GNAS: variants seen among roughly 807,000 people sequenced by gnomAD.
The protein encoded by GNAS is GNAS complex locus.
Under a neutral mutation model 54.5 loss-of-function variants are expected in GNAS, and 8 were observed. That is an observed-to-expected ratio of 0.15 (90% confidence interval 0.09 to 0.26). GNAS has a LOEUF of 0.26. Among genes scored for constraint, GNAS ranks in the 10% least tolerant of loss-of-function variants. The pLI, the probability that GNAS is intolerant of heterozygous loss-of-function variation, is 1.00. For synonymous variants in GNAS, 204 were observed against 191.4 expected (o/e 1.07, Z -0.54); for missense variants, 170 against 529.8 (o/e 0.32, Z 6.67).
intron 1 of GNAS, chr20:58,842,219 G>A: frequency 7.5e-6 from 3 of 398,518 alleles, no homozygotes; most frequent in South Asian, 1.3e-4. Context: ...CGCCAGTCCT[G>A]GGGGGAAAGA....
At position 58,873,910 on chromosome 20, in the gene GNAS, C is replaced by T. The variant is rs76142613; in HGVS notation, c.44-21702C>T. Among the ~76,000 whole-genome samples, 174 of 152,274 alleles carry T rather than the reference C, an allele frequency of 1.1e-3. 2 individuals are homozygous for T. Among genetic ancestry groups the T allele is most frequent in the Admixed American group, 9.2e-3 (141 of 15,302 alleles). On this transcript the variant is annotated intron_variant, in intron 1 of 12. Transcript: ENST00000306090. This position sits in a 1 kb window ranked among gnomAD's most constrained non-coding sequence, Gnocchi z 4.3. ...ATTGTCAACCAAAAGACTTCAACAACCTGCTAAGAGTCTTCCAGCCCAGTT... is the reference window on the plus strand; with the variant it reads ...ATTGTCAACCAAAAGACTTCAACAATCTGCTAAGAGTCTTCCAGCCCAGTT...
chr20:58,855,424 C>CAGT, intron 1 of GNAS: 1 of 1,146,988 alleles, frequency 8.7e-7, no homozygotes, highest in South Asian at 1.3e-5. Context: ...AGGGGCTCCG[C>CAGT]AGTGGGAGGA....
chr20:58,860,720 G>A (rs1331276835), intron 1 of GNAS, among the ~76,000 whole-genome samples: 1 of 152,136 alleles, frequency 6.6e-6, no homozygotes, highest in Non-Finnish European at 1.5e-5. Flanking sequence ...GGAGTGCAGT[G>A]GTACTATCTC....
At chr20:58,876,217 C>T (rs969667446) in intron 1 of GNAS, among the ~76,000 whole-genome samples, 3 of 152,146 alleles carry the variant, frequency 2.0e-5, no homozygotes, top group Non-Finnish European at 4.4e-5. Context: ...TTCTGAGATG[C>T]GTGATCTTTA....
intron 1 of GNAS, among the ~76,000 whole-genome samples, chr20:58,867,194 G>C (rs372689088): frequency 6.6e-6 from 1 of 152,196 alleles, no homozygotes; most frequent in East Asian, 1.9e-4. Flanking sequence ...AGAAGACTCA[G>C]GGCAGAACCC....
chr20:58,860,565 A>C (rs1229291106), intron 1 of GNAS, among the ~76,000 whole-genome samples: 1 of 152,096 alleles, frequency 6.6e-6, no homozygotes, highest in Admixed American at 6.5e-5. Context: ...TTTTTTTAAA[A>C]GTATGCCTTA....
At chr20:58,895,756 A>G in intron 2 of GNAS, 72 bp downstream of exon 2, 1 of 940,114 alleles carries the variant, frequency 1.1e-6, no homozygotes, top group Non-Finnish European at 1.8e-6. Context: ...TAGGAAGTAT[A>G]GGTGGGCTTT....
intron 1 of GNAS, chr20:58,854,654 C>T: frequency 6.5e-7 from 1 of 1,530,580 alleles, no homozygotes; most frequent in Non-Finnish European, 8.7e-7. Context: ...ACGCCCCAGC[C>T]GATCCAGATG....
chr20:58,904,263 G>A (rs1008378867), intron 5 of GNAS, among the ~76,000 whole-genome samples: 1 of 152,136 alleles, frequency 6.6e-6, no homozygotes, highest in African/African-American at 2.4e-5. Flanking sequence ...CCTCAGTGAA[G>A]TGCCAAATGG....
intron 1 of GNAS, among the ~76,000 whole-genome samples, chr20:58,879,187 A>T (rs2088054669): frequency 6.6e-6 from 1 of 152,220 alleles, no homozygotes; most frequent in South Asian, 2.1e-4. Context: ...GAGATTAGAT[A>T]GCTTCTTAAT....
chr20:58,860,451 T>G (rs8183668), intron 1 of GNAS, among the ~76,000 whole-genome samples: 1 of 152,184 alleles, frequency 6.6e-6, no homozygotes, highest in South Asian at 2.1e-4. Flanking sequence ...CAGTTACTTT[T>G]CTGCATAGCT....
At chr20:58,882,124 A>T (rs2088264641) in intron 1 of GNAS, among the ~76,000 whole-genome samples, 2 of 152,226 alleles carry the variant, frequency 1.3e-5, no homozygotes, top group South Asian at 4.1e-4. Flanking sequence ...GCTGGAGTGC[A>T]GTGGCGCGAT....
chr20:58,901,657 G>T (rs1248412146), intron 3 of GNAS, among the ~76,000 whole-genome samples: 1 of 151,272 alleles, frequency 6.6e-6, no homozygotes, highest in African/African-American at 2.4e-5. Flanking sequence ...GCAGTGACCT[G>T]TGAAAGGGGC....
In GNAS at chr20:58,910,522, C is replaced by A; in HGVS notation, c.1038+121C>A. On this transcript the variant is annotated intron_variant, in intron 12 of 12. Transcript: ENST00000371085. This position sits in a 1 kb window ranked among gnomAD's most constrained non-coding sequence, Gnocchi z 5.8. ...CAGTTCCATGGTTTTAGTTCACGCA[C>A]ATCCAGTGTGGATTTGAGCTCTTTG... 3 of 1,131,980 alleles carry A rather than the reference C, an allele frequency of 2.7e-6. No homozygotes were observed. The highest frequency in any genetic ancestry group is 2.4e-5 in the East Asian group (1 of 41,628). The allele number at this position is 1,131,980 out of a possible 1,614,324, so 70.1% of individuals were successfully genotyped here. A position where few individuals can be genotyped will look rare whatever the true frequency, so the allele number is the denominator to read the frequency against.
chr20:58,878,914 G>C (rs546810229), intron 1 of GNAS, among the ~76,000 whole-genome samples: 16 of 20,378 alleles, frequency 7.9e-4, no homozygotes, highest in East Asian at 4.3e-3. Context: ...GGTGCGGGTG[G>C]GGGGGGGAGG....
chr20:58,891,954 C>T, intron 1 of GNAS, 89 bp downstream of exon 1: 4 of 821,180 alleles, frequency 4.9e-6, no homozygotes, highest in South Asian at 5.5e-5. Context: ...CCCCCCGCCC[C>T]GGGCGCGCGC....
chr20:58,900,173 A>G lies in GNAS; in HGVS notation c.257+1188A>G, dbSNP rs190491057. On this transcript the variant is annotated intron_variant, in intron 3 of 12. Coordinates refer to ENST00000371085, the MANE Select transcript of GNAS (RefSeq NM_000516.7). The stretch of plus-strand genomic sequence containing the variant: ...TAATTGGCAGAAATGTAGTATGACA[A>G]CTATCCAAAAAGGCATCTCTATAAG... 3.0e-4 allele frequency: 175 copies of G among 580,650 alleles called. 1 individual carries two copies. The East Asian group carries it at 3.7e-3, about 12-fold the overall frequency. 36.0% of individuals were successfully genotyped at this position (580,650 alleles called of 1,614,324 possible).
chr20:58,855,616 A>T (rs961337536), intron 1 of GNAS: 7 of 702,840 alleles, frequency 1.0e-5, no homozygotes, highest in South Asian at 7.4e-5. Flanking sequence ...AGCGCCAGCA[A>T]CCGTAAGCTG....
chr20:58,840,793 G>T, upstream of GNAS: 1 of 1,611,978 alleles, frequency 6.2e-7, no homozygotes. This position sits in a 1 kb window ranked among gnomAD's most constrained non-coding sequence, Gnocchi z 6.0. Flanking sequence ...GCCGTGACGC[G>T]TCCCCGGAGT....
Sources: allele counts gnomAD v4.1 joint callset (sites outside exome capture counted in the v4.1 genomes callset), GRCh38; gene constraint gnomAD v4.1.1; non-coding constraint Gnocchi (gnomAD v3.1); transcripts MANE v1.5; gene names NCBI Gene and HGNC (gene_info 2026-07-23, HGNC 2026-07-21).